VPS13B: variants seen among roughly 807,000 people sequenced by gnomAD.
VPS13B encodes intermembrane lipid transfer protein VPS13B.
In VPS13B, 285 loss-of-function variants were observed where a neutral mutation model predicts 426.4. The observed-to-expected ratio is 0.67, with a 90% CI of 0.61 to 0.74. The LOEUF (loss-of-function observed/expected upper bound fraction) is 0.74. Among genes scored for constraint, VPS13B ranks in the 30% least tolerant of loss-of-function variants. The pLI is 0.00. For missense variants in VPS13B, 4,537 were observed against 4,782.6 expected (o/e 0.95, Z 1.51); for synonymous variants, 1,676 against 1,676.4 (o/e 1.00, Z 0.01).
Position 99,150,497 on chromosome 8 carries a change from A to G in VPS13B, c.2013+2487A>G, listed in dbSNP as rs553381176. Reference sequence around the variant, plus strand: ...TATCTGCTATAACAATATCACATAGAGTAGTTTCAATTCCCAAAAAATCCT... The same window carrying G: ...TATCTGCTATAACAATATCACATAGGGTAGTTTCAATTCCCAAAAAATCCT... On this transcript the variant is annotated intron_variant, in intron 14 of 61. Transcript: ENST00000357162. Among the ~76,000 whole-genome samples, 4 of 152,324 alleles carry G rather than the reference A, an allele frequency of 2.6e-5. No homozygotes were observed. In the East Asian group the frequency reaches 5.8e-4, roughly 22 times the overall value.
intron 35 of VPS13B, among the ~76,000 whole-genome samples, chr8:99,687,586 G>T (rs1394162169): frequency 6.6e-6 from 1 of 151,902 alleles, no homozygotes; most frequent in Non-Finnish European, 1.5e-5. Flanking sequence ...AGCTCTGCCT[G>T]GTATTGATTT....
At chr8:99,815,086 G>A (rs1455031611) in intron 44 of VPS13B, among the ~76,000 whole-genome samples, 2 of 147,430 alleles carry the variant, frequency 1.4e-5, no homozygotes, top group Non-Finnish European at 3.0e-5. Context: ...CACTGATGAG[G>A]GGGTGTGTGT....
intron 43 of VPS13B, among the ~76,000 whole-genome samples, chr8:99,793,964 G>T (rs892954350): frequency 6.6e-6 from 1 of 152,134 alleles, no homozygotes; most frequent in African/African-American, 2.4e-5. Context: ...CCTAGTAAAG[G>T]ACTCAGCTTG....
chr8:99,712,841 A>AT lies in VPS13B; in HGVS notation c.6455-4321dup, dbSNP rs558416014. ...TGTTTTCTAATAATTCAAGTCTGGA[A>AT]TTTTTTTTTCATTCTCTCCTTGCCC... On this transcript the variant is annotated intron_variant, in intron 36 of 61. Transcript: ENST00000357162. 9.9e-5 allele frequency among the ~76,000 whole-genome samples: 15 copies of AT among 151,266 alleles called. No individual in the cohort carries two copies. In the South Asian group the frequency reaches 1.7e-3, roughly 17 times the overall value.
rs141331943 is a variant in VPS13B at position 99,378,948 on chromosome 8, G to A, written c.2825-5260G>A. Among the ~76,000 whole-genome samples, 213 of 152,180 alleles carry A rather than the reference G, an allele frequency of 1.4e-3. 1 individual carries two copies. The highest frequency in any genetic ancestry group is 7.3e-3 in the Admixed American group (111 of 15,284). On this transcript the variant is annotated intron_variant, in intron 19 of 61. Transcript: ENST00000357162. ...AGCTAAGGTCCTCAACCTCTGGGCC[G>A]TGGACCAGTTCCATTCCATGGCTTG...
intron 13 of VPS13B, among the ~76,000 whole-genome samples, chr8:99,144,381 C>T (rs182686753): frequency 8.1e-4 from 122 of 150,904 alleles, no homozygotes; most frequent in African/African-American, 2.8e-3. Context: ...TGGCTGTGGT[C>T]TCCGGGCTGA....
intron 33 of VPS13B, among the ~76,000 whole-genome samples, chr8:99,617,314 G>GT (rs112193868): frequency 1.4e-3 from 219 of 152,062 alleles, no homozygotes; most frequent in African/African-American, 5.0e-3. Flanking sequence ...TTTGTTTGGG[G>GT]TTTTTTTGTT....
chr8:99,688,792 G>A (rs968382466), intron 35 of VPS13B, among the ~76,000 whole-genome samples: 4 of 151,998 alleles, frequency 2.6e-5, no homozygotes, highest in Non-Finnish European at 5.9e-5. Flanking sequence ...ATATACATGG[G>A]AGCCTTCAGC....
At chr8:99,161,732 C>CTTTTTT (rs374438896) in intron 15 of VPS13B, among the ~76,000 whole-genome samples, 1 of 131,068 alleles carries the variant, frequency 7.6e-6, no homozygotes, top group African/African-American at 2.8e-5. Context: ...GTACTAAATC[C>CTTTTTT]TTTTTTTTTT....
At chr8:99,366,816 AT>A (rs1208121536) in intron 19 of VPS13B, among the ~76,000 whole-genome samples, 7 of 152,234 alleles carry the variant, frequency 4.6e-5, no homozygotes, top group African/African-American at 1.7e-4. Flanking sequence ...ATAACGCATT[AT>A]TTTAAACTGA....
At chr8:99,147,265 C>T (rs1403156282) in intron 13 of VPS13B, among the ~76,000 whole-genome samples, 1 of 152,100 alleles carries the variant, frequency 6.6e-6, no homozygotes, top group East Asian at 1.9e-4. Flanking sequence ...GCACCTGCCA[C>T]CATGCCCAGC....
At chr8:99,783,530 G>A (rs1189877776) in intron 42 of VPS13B, among the ~76,000 whole-genome samples, 1 of 152,166 alleles carries the variant, frequency 6.6e-6, no homozygotes, top group African/African-American at 2.4e-5. Context: ...GTGTTTTAAT[G>A]TAACAGCAAC....
chr8:99,683,755 G>A lies in VPS13B; in HGVS notation c.6047-15770G>A, dbSNP rs55927706. On this transcript the variant is annotated intron_variant, in intron 35 of 61. Coordinates refer to ENST00000357162, the MANE Select transcript of VPS13B (RefSeq NM_152564.5). Reference sequence around the variant, plus strand: ...ACTTATTAATTCTGGGAGCTTTTCCGTAGATTCTTATTGGGTTTTCAACAT... The same window carrying A: ...ACTTATTAATTCTGGGAGCTTTTCCATAGATTCTTATTGGGTTTTCAACAT... Among the ~76,000 whole-genome samples, 474 of 152,252 alleles carry A rather than the reference G, an allele frequency of 3.1e-3. 2 individuals are homozygous for A. The highest frequency in any genetic ancestry group is 0.01 in the African/African-American group (435 of 41,548).
chr8:99,566,850 A>G (rs1825215942), intron 31 of VPS13B, among the ~76,000 whole-genome samples: 1 of 152,216 alleles, frequency 6.6e-6, no homozygotes, highest in South Asian at 2.1e-4. Flanking sequence ...ATTATCCTGT[A>G]TAATTCTGTG....
At chr8:99,689,974 C>T (rs1442374078) in intron 35 of VPS13B, among the ~76,000 whole-genome samples, 1 of 152,138 alleles carries the variant, frequency 6.6e-6, no homozygotes, top group Non-Finnish European at 1.5e-5. Flanking sequence ...TCTGAGTCTT[C>T]TTTCTACTTT....
chr8:99,563,751 A>G (rs572702115), intron 31 of VPS13B, among the ~76,000 whole-genome samples: 59 of 152,312 alleles, frequency 3.9e-4, no homozygotes, highest in Non-Finnish European at 6.8e-4. Context: ...GATACCAAAT[A>G]AAGGCTAACT....
intron 39 of VPS13B, among the ~76,000 whole-genome samples, chr8:99,763,201 T>C (rs895919923): frequency 1.5e-5 from 2 of 136,756 alleles, no homozygotes; most frequent in Non-Finnish European, 3.1e-5. Flanking sequence ...AAAAAGTTAA[T>C]GGAGCTAGGA....
At chr8:99,319,973 G>A (rs964765871) in intron 19 of VPS13B, among the ~76,000 whole-genome samples, 3 of 152,030 alleles carry the variant, frequency 2.0e-5, no homozygotes, top group African/African-American at 7.2e-5. Context: ...TAATAAATAC[G>A]TGCTTACTCT....
chr8:99,016,623 G>A (rs4585717), intron 2 of VPS13B, among the ~76,000 whole-genome samples: 10,265 of 121,288 alleles, frequency 0.085, 672 homozygotes, highest in African/African-American at 0.19. Context: ...ACGGAGTCTC[G>A]CTCTGTTGCC....
Sources: gnomAD v4.1 joint callset for allele counts (sites outside exome capture counted in the v4.1 genomes callset) on GRCh38, gnomAD v4.1.1 for gene constraint, MANE v1.5 for transcripts, NCBI Gene and HGNC (gene_info 2026-07-23, HGNC 2026-07-21) for gene names.